The following DACH1 variants were observed in gnomAD, a reference collection of about 807,000 sequenced individuals.
The protein encoded by DACH1 is dachshund homolog 1.
In DACH1, 12 loss-of-function variants were observed where a neutral mutation model predicts 54.2. That is an observed-to-expected ratio of 0.22 (90% confidence interval 0.14 to 0.36). DACH1 has a LOEUF of 0.36. DACH1 is among the 10% of genes least tolerant of loss of function. The pLI is 1.00. For synonymous variants in DACH1, 386 were observed against 366.2 expected (o/e 1.05, Z -0.62); for missense variants, 805 against 929.8 (o/e 0.87, Z 1.75).
intron 7 of DACH1, among the ~76,000 whole-genome samples, 192 bp downstream of exon 7, chr13:71,488,805 A>G (rs1878750529): frequency 6.6e-6 from 1 of 151,208 alleles, no homozygotes. Flanking sequence ...ATATGAATAT[A>G]TATATATATA....
intron 1 of DACH1, among the ~76,000 whole-genome samples, chr13:71,708,599 T>C (rs1882556957): frequency 6.6e-6 from 1 of 152,004 alleles, no homozygotes; most frequent in African/African-American, 2.4e-5. Flanking sequence ...GAAGAATATA[T>C]TAACATATAA....
chr13:71,808,131 A>C (rs1442968084), intron 1 of DACH1, among the ~76,000 whole-genome samples: 1 of 152,166 alleles, frequency 6.6e-6, no homozygotes, highest in Non-Finnish European at 1.5e-5. Context: ...TACACCAAGC[A>C]GATCTTAAAT....
intron 1 of DACH1, among the ~76,000 whole-genome samples, chr13:71,761,476 C>A (rs1284447082): frequency 6.6e-6 from 1 of 152,176 alleles, no homozygotes; most frequent in Non-Finnish European, 1.5e-5. Flanking sequence ...GTCCTAAAAT[C>A]ATCGTCAAGT....
chr13:71,612,385 A>T (rs1326081207), intron 3 of DACH1, among the ~76,000 whole-genome samples: 1 of 152,100 alleles, frequency 6.6e-6, no homozygotes, highest in Non-Finnish European at 1.5e-5. Flanking sequence ...AAGACACAAA[A>T]TGTTTACCTT....
chr13:71,826,530 C>T (rs1434480933), intron 1 of DACH1, among the ~76,000 whole-genome samples: 4 of 152,006 alleles, frequency 2.6e-5, no homozygotes, highest in Admixed American at 1.3e-4. Flanking sequence ...TTCTCCCATT[C>T]CCCTACTTGT....
At chr13:71,779,283 G>A (rs528251245) in intron 1 of DACH1, among the ~76,000 whole-genome samples, 36,142 of 118,494 alleles carry the variant, frequency 0.31, 6,334 homozygotes, top group African/African-American at 0.43. Context: ...ACGTATATAC[G>A]TATATATACA....
intron 6 of DACH1, among the ~76,000 whole-genome samples, chr13:71,499,111 G>GCACACACACA (rs140335206): frequency 7.9e-6 from 1 of 125,944 alleles, no homozygotes; most frequent in Non-Finnish European, 1.7e-5. Context: ...GCGAGCACGC[G>GCACACACACA]CACACACACA....
chr13:71,766,257 C>T (rs1271454282), intron 1 of DACH1, among the ~76,000 whole-genome samples: 1 of 152,176 alleles, frequency 6.6e-6, no homozygotes, highest in Non-Finnish European at 1.5e-5. Flanking sequence ...TCTGTACCCT[C>T]TTCTCTTCAG....
intron 7 of DACH1, among the ~76,000 whole-genome samples, chr13:71,486,963 A>T (rs1462653339): frequency 6.6e-6 from 1 of 151,062 alleles, no homozygotes; most frequent in Non-Finnish European, 1.5e-5. Context: ...TCCTGCCTCA[A>T]CCTCTCGAGT....
rs146041723 is a variant in DACH1, at chr13:71,812,859, T to C, written c.848+53063A>G. Among the ~76,000 whole-genome samples the C allele has an allele frequency of 2.8e-4, 43 of 152,310 alleles. 1 individual carries two copies. Among genetic ancestry groups the C allele is most frequent in the African/African-American group, 8.7e-4 (36 of 41,578 alleles). On this transcript the variant is annotated intron_variant, in intron 1 of 10. Coordinates refer to ENST00000613252, the MANE Select transcript of DACH1 (RefSeq NM_080759.6). ...CATCTCCTAAACTGTGACTGGTATT[T>C]AAGTCACAATTCCATATAAGTTTAA... is the stretch of plus-strand genomic sequence containing the variant.
chr13:71,806,878 C>A (rs1027046352), intron 1 of DACH1, among the ~76,000 whole-genome samples: 7 of 152,078 alleles, frequency 4.6e-5, no homozygotes, highest in Non-Finnish European at 8.8e-5. Context: ...CATTAACATA[C>A]CACAATTAGT....
At chr13:71,658,939 T>C (rs563633919) in intron 2 of DACH1, among the ~76,000 whole-genome samples, 35 of 152,278 alleles carry the variant, frequency 2.3e-4, no homozygotes, top group African/African-American at 7.2e-4. Flanking sequence ...CTGTTTTTCT[T>C]AGGAGAAAAA....
intron 1 of DACH1, among the ~76,000 whole-genome samples, chr13:71,807,251 T>C (rs557683794): frequency 1.3e-5 from 2 of 152,224 alleles, no homozygotes; most frequent in Admixed American, 6.5e-5. Context: ...CATGTTTATA[T>C]CCAACACAAA....
chr13:71,505,608 G>C (rs1032684703), intron 6 of DACH1, among the ~76,000 whole-genome samples: 3 of 152,046 alleles, frequency 2.0e-5, no homozygotes, highest in African/African-American at 4.8e-5. Flanking sequence ...TCCATATTTA[G>C]TAAATCCAAT....
chr13:71,840,835 C>G (rs557696532), intron 1 of DACH1, among the ~76,000 whole-genome samples: 20 of 152,232 alleles, frequency 1.3e-4, no homozygotes, highest in African/African-American at 4.3e-4. Flanking sequence ...GCTTAGATTT[C>G]CAAGATGGAT....
intron 1 of DACH1, among the ~76,000 whole-genome samples, chr13:71,857,229 A>C (rs1874058127): frequency 6.6e-6 from 1 of 151,834 alleles, no homozygotes; most frequent in Admixed American, 6.6e-5. Context: ...TCACTGTCCT[A>C]ATAACCATAT....
intron 1 of DACH1, among the ~76,000 whole-genome samples, chr13:71,700,565 CAAA>C (rs1211164206): frequency 3.4e-5 from 2 of 58,754 alleles, no homozygotes; most frequent in Non-Finnish European, 6.0e-5. Context: ...GACTCCATCT[CAAA>C]AAAAAAAAAA....
At chr13:71,668,511 T>C (rs879700904) in intron 2 of DACH1, among the ~76,000 whole-genome samples, 4 of 151,790 alleles carry the variant, frequency 2.6e-5, no homozygotes, top group Non-Finnish European at 5.9e-5. Flanking sequence ...TAAATATGAA[T>C]CACAAAATTC....
intron 1 of DACH1, among the ~76,000 whole-genome samples, chr13:71,776,324 G>A (rs1886064583): frequency 6.6e-6 from 1 of 151,958 alleles, no homozygotes. Flanking sequence ...TGATTTTCAG[G>A]TTTTTAGAAA....
Sources: allele counts gnomAD v4.1 joint callset (sites outside exome capture counted in the v4.1 genomes callset), GRCh38; gene constraint gnomAD v4.1.1; transcripts MANE v1.5; gene names NCBI Gene and HGNC (gene_info 2026-07-23, HGNC 2026-07-21).